ADARB1: variants seen among roughly 807,000 people sequenced by gnomAD.
The protein encoded by ADARB1 is double-stranded RNA-specific editase 1.
In ADARB1, 10 loss-of-function variants were observed where a neutral mutation model predicts 52.4. That is an observed-to-expected ratio of 0.19 (90% CI 0.12 to 0.32). The LOEUF is 0.32. Among genes scored for constraint, ADARB1 ranks in the 10% least tolerant of loss-of-function variants. The probability of loss-of-function intolerance (pLI) is 1.00; values close to 1 mark genes in which losing one functional copy is unlikely to be tolerated. For missense variants in ADARB1, 643 were observed against 922.3 expected (o/e 0.70, Z 3.92); for synonymous variants, 349 against 371.1 (o/e 0.94, Z 0.68).
chr21:45,221,499 T>A lies in ADARB1; in HGVS notation c.1926+485T>A, dbSNP rs946021136. On this transcript the variant is annotated intron_variant, in intron 10 of 10. Coordinates refer to ENST00000348831, the MANE Select transcript of ADARB1 (RefSeq NM_001112.4). This position sits in a 1 kb window ranked among gnomAD's most constrained non-coding sequence, Gnocchi z 4.9. ...AGTTTGTGTGTATTCTTCAGTCAAG[T>A]AGATGGCATCTGTTTATTCTGAGAC... Among the ~76,000 whole-genome samples, 1 of 152,194 alleles carries A rather than the reference T, an allele frequency of 6.6e-6. No homozygotes were observed. Among genetic ancestry groups the A allele is most frequent in the Non-Finnish European group, 1.5e-5 (1 of 68,030 alleles).
At chr21:45,131,113 A>T (rs1482076777) in intron 2 of ADARB1, among the ~76,000 whole-genome samples, 4 of 152,252 alleles carry the variant, frequency 2.6e-5, no homozygotes, top group African/African-American at 4.8e-5. Context: ...AAGCAGTGTC[A>T]TGCTGAAATG....
At chr21:45,214,025 G>A (rs2092817691) in intron 9 of ADARB1, among the ~76,000 whole-genome samples, 1 of 152,190 alleles carries the variant, frequency 6.6e-6, no homozygotes, top group Non-Finnish European at 1.5e-5. Context: ...TGCGGGAGTT[G>A]TAGTTCTGTC....
intron 1 of ADARB1, among the ~76,000 whole-genome samples, chr21:45,093,432 CAA>C (rs2086636364): frequency 6.6e-6 from 1 of 152,222 alleles, no homozygotes; most frequent in Admixed American, 6.5e-5. Flanking sequence ...ACGTCCTTGA[CAA>C]GAGGAAGAGA....
intron 2 of ADARB1, chr21:45,144,612 C>G: frequency 2.2e-6 from 1 of 447,740 alleles, no homozygotes; most frequent in Non-Finnish European, 4.5e-6. Context: ...TTTTATGTTT[C>G]TCTTCAATAA....
intron 8 of ADARB1, among the ~76,000 whole-genome samples, chr21:45,190,320 G>A (rs1009712896): frequency 6.6e-6 from 1 of 152,080 alleles, no homozygotes; most frequent in African/African-American, 2.4e-5. Context: ...TTGTTGATAT[G>A]CTCATTTTGT....
intron 1 of ADARB1, among the ~76,000 whole-genome samples, chr21:45,080,460 C>T (rs535486999): frequency 9.9e-5 from 15 of 152,210 alleles, no homozygotes; most frequent in African/African-American, 2.7e-4. Context: ...GACTTCTGCA[C>T]GTGGGAGCCT....
chr21:45,165,060 C>A (rs1369717329), intron 2 of ADARB1, among the ~76,000 whole-genome samples: 1 of 152,172 alleles, frequency 6.6e-6, no homozygotes. Flanking sequence ...CCCCCTGGAG[C>A]GCCCAGGCCT....
intron 1 of ADARB1, among the ~76,000 whole-genome samples, chr21:45,100,228 T>C (rs899571497): frequency 6.6e-6 from 1 of 152,228 alleles, no homozygotes. Context: ...TAGGTTGAAA[T>C]GATAGCTACA....
At chr21:45,180,593 G>A (rs545490922) in intron 5 of ADARB1, 149 bp downstream of exon 5, 84 of 701,834 alleles carry the variant, frequency 1.2e-4, no homozygotes, top group Non-Finnish European at 1.6e-4. Flanking sequence ...GCAAGTTTAC[G>A]AACTGCACTT....
Position 45,208,629 on chromosome 21 carries a change from T to TGTGTGTGTGTGAGTGCATGTGA in ADARB1, c.1747+3901_1747+3922dup, listed in dbSNP as rs2092709091. On this transcript the variant is annotated intron_variant, in intron 9 of 10. Coordinates refer to ENST00000348831, the MANE Select transcript of ADARB1 (RefSeq NM_001112.4). This position sits in a 1 kb window ranked among gnomAD's most constrained non-coding sequence, Gnocchi z 5.6. Reference sequence around the variant, plus strand: ...AAGTGTGTGTGTGTATGTGTGCGTGTGTGTGTGTGTGAGTGCATGTGAGTG... The same window carrying TGTGTGTGTGTGAGTGCATGTGA: ...AAGTGTGTGTGTGTATGTGTGCGTGTGTGTGTGTGTGAGTGCATGTGAGTGTGTGTGTGAGTGCATGTGAGTG... Among the ~76,000 whole-genome samples the TGTGTGTGTGTGAGTGCATGTGA allele has an allele frequency of 6.6e-6, 1 of 151,844 alleles. No individual in the cohort carries two copies. The highest frequency in any genetic ancestry group is 1.5e-5 in the Non-Finnish European group (1 of 67,916).
intron 8 of ADARB1, among the ~76,000 whole-genome samples, chr21:45,198,184 A>G (rs554857811): frequency 5.1e-4 from 78 of 152,344 alleles, no homozygotes; most frequent in African/African-American, 1.8e-3. Context: ...TGTAAGCAAC[A>G]AAGATGTAGC....
intron 1 of ADARB1, among the ~76,000 whole-genome samples, chr21:45,081,805 TAGA>T (rs2086162627): frequency 6.6e-6 from 1 of 152,060 alleles, no homozygotes; most frequent in African/African-American, 2.4e-5. Context: ...GCCTTCTGGC[TAGA>T]AGGATAGCCT....
rs1305677349 is a variant in ADARB1, at chr21:45,208,605, AGTGTGTGTGTGTATGTGTGC to A, written c.1747+3882_1747+3901del. 1.3e-5 allele frequency among the ~76,000 whole-genome samples: 2 copies of A among 151,520 alleles called. No individual in the cohort carries two copies. The highest frequency in any genetic ancestry group is 4.9e-5 in the African/African-American group (2 of 41,216). On this transcript the variant is annotated intron_variant, in intron 9 of 10. Coordinates refer to ENST00000348831, the MANE Select transcript of ADARB1 (RefSeq NM_001112.4). The surrounding 1 kb of genome is among the most constrained non-coding windows in gnomAD (Gnocchi z 5.6). ...GGAACATCACTGTGAGAGTGTGGAA[AGTGTGTGTGTGTATGTGTGC>A]GTGTGTGTGTGTGTGAGTGCATGTG... is the stretch of plus-strand genomic sequence containing the variant.
intron 2 of ADARB1, among the ~76,000 whole-genome samples, chr21:45,132,775 C>T (rs1437831332): frequency 6.6e-6 from 1 of 152,192 alleles, no homozygotes; most frequent in Non-Finnish European, 1.5e-5. Flanking sequence ...AGTGTCTTAG[C>T]ATGAGTGTTC....
chr21:45,177,445 G>A (rs1356596222), intron 4 of ADARB1: 1 of 152,154 alleles, frequency 6.6e-6, no homozygotes, highest in Non-Finnish European at 1.5e-5. Flanking sequence ...GTTCCAGGGT[G>A]GGCTTAGATT....
chr21:45,146,358 T>C (rs995883263), intron 2 of ADARB1: 5 of 152,284 alleles, frequency 3.3e-5, no homozygotes, highest in African/African-American at 1.2e-4. Context: ...GAAATTATAC[T>C]TTTCTCATTT....
At chr21:45,080,624 G>A (rs919450129) in intron 1 of ADARB1, among the ~76,000 whole-genome samples, 1 of 152,316 alleles carries the variant, frequency 6.6e-6, no homozygotes, top group Admixed American at 6.5e-5. Flanking sequence ...GCCATGGGGC[G>A]TACTTACGGA....
intron 1 of ADARB1, among the ~76,000 whole-genome samples, chr21:45,080,612 A>G (rs2086116088): frequency 6.6e-6 from 1 of 152,254 alleles, no homozygotes; most frequent in Non-Finnish European, 1.5e-5. Flanking sequence ...TGTGCTGAAC[A>G]TGCCATGGGG....
chr21:45,114,112 CA>C (rs2087701273), intron 1 of ADARB1, among the ~76,000 whole-genome samples: 1 of 152,182 alleles, frequency 6.6e-6, no homozygotes, highest in Non-Finnish European at 1.5e-5. Context: ...ACCAAAACTA[CA>C]TATCCAGCAC....
Sources: allele counts gnomAD v4.1 joint callset (sites outside exome capture counted in the v4.1 genomes callset), GRCh38; gene constraint gnomAD v4.1.1; non-coding constraint Gnocchi (gnomAD v3.1); transcripts MANE v1.5; gene names NCBI Gene and HGNC (gene_info 2026-07-23, HGNC 2026-07-21).